CFAP20DC: variants seen among roughly 807,000 people sequenced by gnomAD.
CFAP20DC encodes the protein protein CFAP20DC.
A neutral mutation model predicts 101.7 loss-of-function variants in CFAP20DC; 84 were observed. The ratio of observed to expected loss-of-function variants is 0.83; its 90% CI spans 0.69 to 0.99. CFAP20DC has a LOEUF of 0.99. Among genes scored for constraint, CFAP20DC ranks in the 50% least tolerant of loss-of-function variants. The probability of loss-of-function intolerance (pLI) is 0.00; values close to 1 mark genes in which losing one functional copy is unlikely to be tolerated. For missense variants in CFAP20DC, 1,007 were observed against 970.3 expected (o/e 1.04, Z -0.50); for synonymous variants, 359 against 351.2 (o/e 1.02, Z -0.25).
intron 4 of CFAP20DC, among the ~76,000 whole-genome samples, chr3:58,963,597 C>G (rs569027501): frequency 1.3e-5 from 2 of 151,872 alleles, no homozygotes; most frequent in African/African-American, 4.8e-5. Context: ...AACAGAGAAG[C>G]CTCAAAATAA....
At position 58,950,067 on chromosome 3, in the gene CFAP20DC, G is replaced by C. The variant is rs577986877; in HGVS notation, c.279-12305C>G. 9.5e-4 allele frequency among the ~76,000 whole-genome samples: 144 copies of C among 152,272 alleles called. 2 individuals are homozygous for C. Among genetic ancestry groups the C allele is most frequent in the African/African-American group, 3.3e-3 (139 of 41,558 alleles). On this transcript the variant is annotated intron_variant, in intron 4 of 16. Coordinates refer to ENST00000482387, the MANE Select transcript of CFAP20DC (RefSeq NM_001394063.1). ...CTCCTTAAGCTGATAGGCAACTTCA[G>C]CAAAGTCTCAGGATACAAAATCAAT... is the stretch of plus-strand genomic sequence containing the variant.
chr3:58,998,593 A>T (rs2093210470), intron 4 of CFAP20DC, among the ~76,000 whole-genome samples: 1 of 152,086 alleles, frequency 6.6e-6, no homozygotes. Context: ...TATTAATCAC[A>T]AACAGCCCCT....
chr3:59,030,602 C>T (rs1308449451), intron 4 of CFAP20DC, among the ~76,000 whole-genome samples: 1 of 152,116 alleles, frequency 6.6e-6, no homozygotes, highest in African/African-American at 2.4e-5. Flanking sequence ...ACAAGGTAAT[C>T]TACTTCTATA....
At position 58,869,064 on chromosome 3, in the gene CFAP20DC, C is replaced by T. The variant is rs569275309; in HGVS notation, c.1015+264G>A. ...TCCAAAATACAGTGATAATGGAATG[C>T]TATTTTATTTCTACATCAGTTGCCA... is the stretch of plus-strand genomic sequence containing the variant. On this transcript the variant is annotated intron_variant, in intron 9 of 16. Transcript: ENST00000482387. The surrounding 1 kb of genome is among the most constrained non-coding windows in gnomAD (Gnocchi z 4.3). 1.7e-3 allele frequency among the ~76,000 whole-genome samples: 255 copies of T among 152,208 alleles called. 1 individual carries two copies. Among genetic ancestry groups the T allele is most frequent in the African/African-American group, 5.6e-3 (234 of 41,536 alleles).
chr3:58,951,422 A>G (rs577471142), intron 4 of CFAP20DC, among the ~76,000 whole-genome samples: 2,768 of 152,306 alleles, frequency 0.018, 70 homozygotes, highest in African/African-American at 0.061. Context: ...TACCCAAAGG[A>G]TTAGAAATCA....
intron 5 of CFAP20DC, among the ~76,000 whole-genome samples, chr3:58,924,409 A>G (rs1475759305): frequency 6.6e-6 from 1 of 151,694 alleles, no homozygotes; most frequent in Non-Finnish European, 1.5e-5. Flanking sequence ...ATATGATTTC[A>G]TTCTTTTTTT....
chr3:58,761,740 T>C (rs574443629), intron 15 of CFAP20DC, among the ~76,000 whole-genome samples: 5 of 152,380 alleles, frequency 3.3e-5, no homozygotes, highest in Admixed American at 2.6e-4. Flanking sequence ...TGTTGTGTCT[T>C]TGTTCTCTTT....
At chr3:58,879,822 A>G (rs2081083729) in intron 7 of CFAP20DC, among the ~76,000 whole-genome samples, 1 of 152,146 alleles carries the variant, frequency 6.6e-6, no homozygotes, top group African/African-American at 2.4e-5. Flanking sequence ...GTTCAACTAA[A>G]ATATCTCAAA....
At chr3:58,731,787 CAA>C (rs1398862295) in intron 3 of CFAP20DC, among the ~76,000 whole-genome samples, 6 of 152,150 alleles carry the variant, frequency 3.9e-5, no homozygotes, top group Admixed American at 2.6e-4. Flanking sequence ...ACGGAGCTAA[CAA>C]CTAAGCAGGA....
chr3:58,779,638 A>G (rs755572105), intron 15 of CFAP20DC, among the ~76,000 whole-genome samples: 7 of 152,172 alleles, frequency 4.6e-5, no homozygotes, highest in Non-Finnish European at 1.0e-4. Context: ...AAAGGTAGCT[A>G]TTTTGAAATG....
chr3:58,882,614 T>C lies in CFAP20DC; in HGVS notation c.715+1931A>G, dbSNP rs1159867528. 6.6e-6 allele frequency among the ~76,000 whole-genome samples: 1 copy of C among 152,228 alleles called. No individual in the cohort carries two copies. Among genetic ancestry groups the C allele is most frequent in the African/African-American group, 2.4e-5 (1 of 41,458 alleles). ...TACATCTTCCATTCAGATTGAATTG[T>C]GACCCAAAGTGTTTACAGTAGCTGT... On this transcript the variant is annotated intron_variant, in intron 7 of 16. Transcript: ENST00000482387. This position sits in a 1 kb window ranked among gnomAD's most constrained non-coding sequence, Gnocchi z 4.2.
At chr3:58,873,891 C>G (rs774540863) in intron 7 of CFAP20DC, among the ~76,000 whole-genome samples, 14 of 151,668 alleles carry the variant, frequency 9.2e-5, no homozygotes, top group Non-Finnish European at 1.9e-4. Flanking sequence ...GGTGTTGAAG[C>G]AGAAGTCTGG....
chr3:58,856,747 G>A (rs1173218310), intron 12 of CFAP20DC, among the ~76,000 whole-genome samples: 1 of 152,146 alleles, frequency 6.6e-6, no homozygotes, highest in African/African-American at 2.4e-5. Flanking sequence ...ACAAAAAATA[G>A]AGTAAACATT....
intron 5 of CFAP20DC, among the ~76,000 whole-genome samples, chr3:58,933,242 C>A (rs949563710): frequency 3.3e-5 from 5 of 151,972 alleles, no homozygotes; most frequent in South Asian, 2.1e-4. Context: ...TATATATGCA[C>A]CCAATACAGG....
Position 58,913,860 on chromosome 3 carries a change from C to T in CFAP20DC, c.398G>A (p.Cys133Tyr), listed in dbSNP as rs2084403134. ...PLFMIKRKIW[C>Y]NLCIDLVAFT... is the part of the protein sequence containing the mutation. ...TGCTACTAAGTCAATGCATAGATTG[C>T]ACCACTAAAATAGAGAGATGCAAAG... is the stretch of plus-strand genomic sequence containing the variant. Residue 133 changes from cysteine (C) to tyrosine (Y), a missense_variant, in exon 6 of 17, where the codon TGC (cysteine) becomes TAC (tyrosine). Cys to Tyr is a radical substitution (Grantham distance 194, BLOSUM62 -2). Transcript: ENST00000482387. This position sits in a 1 kb window ranked among gnomAD's most constrained non-coding sequence, Gnocchi z 4.4. The T allele has an allele frequency of 6.2e-7, 1 of 1,613,314 alleles. No homozygotes were observed. Among genetic ancestry groups the T allele is most frequent in the African/African-American group, 1.3e-5 (1 of 74,958 alleles).
At chr3:58,782,798 T>C (rs77133975) in intron 15 of CFAP20DC, among the ~76,000 whole-genome samples, 8,434 of 152,172 alleles carry the variant, frequency 0.055, 520 homozygotes, top group East Asian at 0.35. Flanking sequence ...CCCATGATCA[T>C]GGATTGGAAG....
At chr3:58,965,035 T>G (rs764471936) in intron 4 of CFAP20DC, among the ~76,000 whole-genome samples, 5 of 152,244 alleles carry the variant, frequency 3.3e-5, no homozygotes, top group Non-Finnish European at 7.3e-5. Context: ...TATTTGTGTT[T>G]CATATGCTCT....
chr3:58,741,143 A>T (rs1013920524), downstream of CFAP20DC, among the ~76,000 whole-genome samples: 1 of 152,336 alleles, frequency 6.6e-6, no homozygotes, highest in Non-Finnish European at 1.5e-5. Context: ...GTACACCAAT[A>T]AATTTTCATT....
chr3:58,912,059 A>G lies in CFAP20DC; in HGVS notation c.550+1649T>C, dbSNP rs1304637510. Among the ~76,000 whole-genome samples, 3 of 152,158 alleles carry G rather than the reference A, an allele frequency of 2.0e-5. No individual in the cohort carries two copies. Among genetic ancestry groups the G allele is most frequent in the Non-Finnish European group, 4.4e-5 (3 of 68,030 alleles). On this transcript the variant is annotated intron_variant, in intron 6 of 16. Transcript: ENST00000482387. This position sits in a 1 kb window ranked among gnomAD's most constrained non-coding sequence, Gnocchi z 4.4. ...CATTGCTTAATCTTATAAAATTTAC[A>G]AACGTCTCTTGTCCGTTATTGTCTC...
Sources: gnomAD v4.1 joint callset for allele counts (sites outside exome capture counted in the v4.1 genomes callset) on GRCh38, gnomAD v4.1.1 for gene constraint, Gnocchi (gnomAD v3.1) non-coding constraint, MANE v1.5 for transcripts, NCBI Gene and HGNC (gene_info 2026-07-23, HGNC 2026-07-21) for gene names.